Variants in RAB7A observed in about 807,000 individuals in gnomAD.
RAB7A encodes the protein ras-related protein Rab-7a.
Under a neutral mutation model 24.5 loss-of-function variants are expected in RAB7A, and 2 were observed. The ratio of observed to expected loss-of-function variants is 0.08; its 90% CI spans 0.03 to 0.26. RAB7A has a LOEUF of 0.26. RAB7A is among the 10% of genes least tolerant of loss of function. The pLI is 1.00. For missense variants in RAB7A, 118 were observed against 255.7 expected, an observed-to-expected ratio of 0.46 and a Z score of 3.67; for synonymous variants, 100 against 95.9, an observed-to-expected ratio of 1.04 and a Z score of -0.25.
At chr3:128,759,807 T>C (rs2070762978) in intron 1 of RAB7A, among the ~76,000 whole-genome samples, 3 of 152,126 alleles carry the variant, frequency 2.0e-5, no homozygotes, top group Admixed American at 6.5e-5. Context: ...CTTCCTGGGT[T>C]CTAGCGACTT....
At chr3:128,777,337 G>C (rs1303244131) in intron 1 of RAB7A, among the ~76,000 whole-genome samples, 1 of 152,008 alleles carries the variant, frequency 6.6e-6, no homozygotes, top group African/African-American at 2.4e-5. Context: ...GGGACTACAG[G>C]CGCATGCCAC....
At chr3:128,780,076 A>T (rs915124305) in intron 1 of RAB7A, among the ~76,000 whole-genome samples, 4 of 152,236 alleles carry the variant, frequency 2.6e-5, no homozygotes, top group Admixed American at 6.5e-5. Context: ...GGGGTCTTCA[A>T]ACTGGTTGCT....
intron 1 of RAB7A, among the ~76,000 whole-genome samples, chr3:128,764,058 T>G (rs908747978): frequency 6.6e-6 from 1 of 152,138 alleles, no homozygotes; most frequent in African/African-American, 2.4e-5. Flanking sequence ...AATCTGGGCC[T>G]GGCAGGACTA....
chr3:128,764,123 G>A, intron 1 of RAB7A, among the ~76,000 whole-genome samples: 1 of 152,146 alleles, frequency 6.6e-6, no homozygotes, highest in Non-Finnish European at 1.5e-5. Flanking sequence ...AGAGATGGCA[G>A]CCTTCTCCCT....
chr3:128,757,554 G>T (rs938587942), intron 1 of RAB7A, among the ~76,000 whole-genome samples: 2 of 149,696 alleles, frequency 1.3e-5, no homozygotes, highest in Non-Finnish European at 3.0e-5. Context: ...AAGTCTTGCT[G>T]TGTTACCCAG....
chr3:128,754,264 A>G (rs2070711072), intron 1 of RAB7A, among the ~76,000 whole-genome samples: 1 of 152,196 alleles, frequency 6.6e-6, no homozygotes, highest in Non-Finnish European at 1.5e-5. Context: ...GTTTTGTGGC[A>G]TTAATGGCTG....
At chr3:128,773,108 C>T (rs1932992872) in intron 1 of RAB7A, among the ~76,000 whole-genome samples, 1 of 150,478 alleles carries the variant, frequency 6.6e-6, no homozygotes, top group Non-Finnish European at 1.5e-5. Flanking sequence ...AAGTGAGGAG[C>T]GCCTCTTCCC....
At chr3:128,757,106 A>G (rs1185519135) in intron 1 of RAB7A, among the ~76,000 whole-genome samples, 1 of 151,924 alleles carries the variant, frequency 6.6e-6, no homozygotes, top group East Asian at 1.9e-4. Context: ...CCACCTCCCA[A>G]AGTGCTGGGA....
At position 128,784,910 on chromosome 3, in the gene RAB7A, G is replaced by A. The variant is rs886915464; in HGVS notation, c.-8-10450G>A. Among the ~76,000 whole-genome samples, 46 of 150,648 alleles carry A rather than the reference G, an allele frequency of 3.1e-4. 1 individual carries two copies. Among genetic ancestry groups the A allele is most frequent in the Admixed American group, 2.2e-3 (33 of 15,142 alleles). ...AGTAAGATTAATAACACAATGATTA[G>A]TAGTCCTGGGGCTTAAGAGTTCTAT... is the stretch of plus-strand genomic sequence containing the variant. On this transcript the variant is annotated intron_variant, in intron 1 of 5. Transcript: ENST00000265062.
chr3:128,741,050 CA>C lies in RAB7A; in HGVS notation c.-9+14692del, dbSNP rs370571604. On this transcript the variant is annotated intron_variant, in intron 1 of 5. Coordinates refer to ENST00000265062, the MANE Select transcript of RAB7A (RefSeq NM_004637.6). ...ATAAATGTAGAAAAAATATTAACTA[CA>C]TTTTTTTATATATACTTAAAATTTT... Among the ~76,000 whole-genome samples the C allele has an allele frequency of 2.2e-3, 327 of 151,454 alleles. 2 individuals carry two copies. The highest frequency in any genetic ancestry group is 7.0e-3 in the African/African-American group (291 of 41,380).
chr3:128,730,289 G>T (rs2070422335), intron 1 of RAB7A, among the ~76,000 whole-genome samples: 1 of 151,404 alleles, frequency 6.6e-6, no homozygotes, highest in African/African-American at 2.4e-5. Flanking sequence ...GAGTGCAGTG[G>T]TGCCATCTCA....
intron 1 of RAB7A, among the ~76,000 whole-genome samples, chr3:128,743,422 C>T (rs1006090326): frequency 2.6e-5 from 4 of 152,230 alleles, no homozygotes; most frequent in South Asian, 4.1e-4. Flanking sequence ...GAGCAGACGC[C>T]GAGGCCGAGG....
At chr3:128,765,426 C>T (rs552874482) in intron 1 of RAB7A, among the ~76,000 whole-genome samples, 1 of 152,182 alleles carries the variant, frequency 6.6e-6, no homozygotes, top group Non-Finnish European at 1.5e-5. Flanking sequence ...TACAATTAAA[C>T]ACCTCCTAAA....
intron 1 of RAB7A, among the ~76,000 whole-genome samples, chr3:128,780,747 A>G (rs1023346495): frequency 2.0e-5 from 3 of 152,226 alleles, no homozygotes; most frequent in African/African-American, 7.2e-5. Context: ...CATGAAGTGG[A>G]TAGGATCATG....
In RAB7A at chr3:128,813,702, G is replaced by A; in HGVS notation, c.*280G>A. On this transcript the variant is annotated 3_prime_UTR_variant, in exon 6 of 6. Transcript: ENST00000265062. ...CCCACCCACATGAGCCCGCGAGTAT[G>A]GCAGCAGGACAAGCCAGCGGTGGAA... 2.0e-6 allele frequency: 1 copy of A among 493,192 alleles called. No individual in the cohort carries two copies. 30.6% of individuals were successfully genotyped at this position (493,192 alleles called of 1,614,324 possible).
At chr3:128,761,607 G>T (rs1486980583) in intron 1 of RAB7A, among the ~76,000 whole-genome samples, 1 of 152,150 alleles carries the variant, frequency 6.6e-6, no homozygotes, top group African/African-American at 2.4e-5. Context: ...GTCCAGATTG[G>T]CATGACCTCT....
chr3:128,765,967 G>C (rs549511485), intron 1 of RAB7A, among the ~76,000 whole-genome samples: 82 of 152,030 alleles, frequency 5.4e-4, no homozygotes, highest in African/African-American at 2.0e-3. Context: ...TCACCATGTT[G>C]GCCAGGCTGG....
In RAB7A at chr3:128,764,961, G is replaced by A. The variant is rs753322661; in HGVS notation, c.-8-30399G>A. 425 of 1,596,202 alleles carry A rather than the reference G, an allele frequency of 2.7e-4. 1 individual carries two copies. Among genetic ancestry groups the A allele is most frequent in the Middle Eastern group, 4.2e-4 (2 of 4,760 alleles). ...CCAGGTTGATCTGGCCGTTGATGGC[G>A]GCCTCTGAGTCCTGGTGGTAGTTCT... On this transcript the variant is annotated intron_variant, in intron 1 of 5. Transcript: ENST00000265062.
chr3:128,729,430 C>T (rs936605665), intron 1 of RAB7A, among the ~76,000 whole-genome samples: 2 of 151,954 alleles, frequency 1.3e-5, no homozygotes, highest in Admixed American at 6.6e-5. Context: ...ATTAGCCGGG[C>T]GTGGTGGCGG....
Sources: allele counts gnomAD v4.1 joint callset (sites outside exome capture counted in the v4.1 genomes callset), GRCh38; gene constraint gnomAD v4.1.1; transcripts MANE v1.5; gene names NCBI Gene and HGNC (gene_info 2026-07-23, HGNC 2026-07-21).